Variants in MYH9 observed in about 807,000 individuals in gnomAD.
MYH9 encodes myosin-9.
Under a neutral mutation model 241.9 loss-of-function variants are expected in MYH9, and 29 were observed. The observed-to-expected ratio is 0.12, with a 90% CI of 0.09 to 0.16. The LOEUF is 0.16. Ranked by LOEUF, MYH9 falls within the 10% of genes least tolerant of loss-of-function variation. The probability of loss-of-function intolerance (pLI) is 1.00; values close to 1 mark genes in which losing one functional copy is unlikely to be tolerated. For synonymous variants in MYH9, 1,047 were observed against 1,062.6 expected (o/e 0.99, Z 0.29); for missense variants, 1,803 against 2,595.5 (o/e 0.69, Z 6.63).
intron 1 of MYH9, among the ~76,000 whole-genome samples, chr22:36,381,616 C>T (rs1054338672): frequency 2.0e-5 from 3 of 152,060 alleles, no homozygotes; most frequent in Admixed American, 1.3e-4. Context: ...CAGTATCTTT[C>T]CAGAAATACT....
intron 3 of MYH9, among the ~76,000 whole-genome samples, chr22:36,332,680 A>C (rs1428111016): frequency 2.6e-5 from 4 of 151,284 alleles, no homozygotes; most frequent in South Asian, 2.1e-4. Flanking sequence ...AAAAAAAAAA[A>C]AAAAAAAAAA....
intron 12 of MYH9, among the ~76,000 whole-genome samples, chr22:36,315,352 T>G (rs932390385): frequency 6.6e-6 from 1 of 152,128 alleles, no homozygotes; most frequent in Non-Finnish European, 1.5e-5. Context: ...AGCTCATGGC[T>G]CCTCTCAAAC....
In MYH9 at chr22:36,320,686, G is replaced by A. The variant is rs991340446; in HGVS notation, c.868+112C>T. ...ACAGGAGTCACTCTCACTTCTCCCC[G>A]TTAAACCCAAGGCCAAAAGTTTTCA... On this transcript the variant is annotated intron_variant, in intron 8 of 40. Coordinates refer to ENST00000216181, the MANE Select transcript of MYH9 (RefSeq NM_002473.6). This position sits in a 1 kb window ranked among gnomAD's most constrained non-coding sequence, Gnocchi z 4.8. 7.7e-5 allele frequency: 72 copies of A among 939,692 alleles called. No individual in the cohort carries two copies. Among genetic ancestry groups the A allele is most frequent in the Admixed American group, 1.8e-4 (9 of 50,052 alleles). The allele number at this position is 939,692 out of a possible 1,614,324, so 58.2% of individuals were successfully genotyped here.
Position 36,320,329 on chromosome 22 carries a change from G to A in MYH9, c.903C>T (p.Arg301=). 6.2e-7 allele frequency: 1 copy of A among 1,614,154 alleles called. No individual in the cohort carries two copies. The highest frequency in any genetic ancestry group is 8.5e-7 in the Non-Finnish European group (1 of 1,180,030). The change falls in exon 9 of 41, where the codon CGC becomes CGT. Residue 301 remains arginine, a synonymous_variant. Transcript: ENST00000216181. This position sits in a 1 kb window ranked among gnomAD's most constrained non-coding sequence, Gnocchi z 4.8. ...DLLLEPYNKY[R]FLSNGHVTIP... ...TGGTGACGTGTCCATTGGACAGGAAGCGGTATTTGTTGTACGGCTCCAACA... is the reference window on the plus strand; with the variant it reads ...TGGTGACGTGTCCATTGGACAGGAAACGGTATTTGTTGTACGGCTCCAACA...
intron 5 of MYH9, among the ~76,000 whole-genome samples, chr22:36,323,890 T>A (rs916038803): frequency 6.6e-6 from 1 of 152,238 alleles, no homozygotes; most frequent in African/African-American, 2.4e-5. Flanking sequence ...GAGCAGGCTC[T>A]ACGTGTGCGC....
At chr22:36,371,395 A>G (rs1257610471) in intron 1 of MYH9, among the ~76,000 whole-genome samples, 1 of 152,218 alleles carries the variant, frequency 6.6e-6, no homozygotes, top group African/African-American at 2.4e-5. Context: ...TCTATGAGCC[A>G]AGGAGAGAGG....
Position 36,341,607 on chromosome 22 carries a change from C to T in MYH9, c.334-81G>A, listed in dbSNP as rs1024235209. 130 of 1,527,394 alleles carry T rather than the reference C, an allele frequency of 8.5e-5. 1 individual carries two copies. The highest frequency in any genetic ancestry group is 2.1e-4 in the East Asian group (9 of 42,868). 94.6% of individuals were successfully genotyped at this position (1,527,394 alleles called of 1,614,324 possible). ...TACAAACTTTGTAGCAAAATATCTG[C>T]GGCTTCAAAGGACCCCTGAGTCAGC... On this transcript the variant is annotated intron_variant, in intron 2 of 40. Coordinates refer to ENST00000216181, the MANE Select transcript of MYH9 (RefSeq NM_002473.6).
intron 1 of MYH9, among the ~76,000 whole-genome samples, chr22:36,366,145 G>C (rs926547572): frequency 3.9e-5 from 6 of 152,206 alleles, no homozygotes; most frequent in Admixed American, 2.0e-4. Context: ...CCAAGATCCT[G>C]CCACTGCACT....
intron 20 of MYH9, chr22:36,302,302 TA>T: frequency 2.6e-6 from 1 of 386,176 alleles, no homozygotes; most frequent in Admixed American, 3.8e-5. Context: ...ATTTTTTTTT[TA>T]AAGGCCAGGA....
chr22:36,307,749 G>T (rs541261103), intron 15 of MYH9, among the ~76,000 whole-genome samples: 2 of 152,240 alleles, frequency 1.3e-5, no homozygotes, highest in East Asian at 3.9e-4. Flanking sequence ...TTAGCTGGGC[G>T]TGGTGGCGGG....
rs766316489 is a variant in MYH9 at position 36,295,092 on chromosome 22, C to T, written c.3486-16G>A. The T allele has an allele frequency of 2.5e-6, 4 of 1,614,136 alleles. No homozygotes were observed. The South Asian group carries it at 4.4e-5, about 18-fold the overall frequency. On this transcript the variant is annotated splice_polypyrimidine_tract_variant and intron_variant, in intron 26 of 40. Coordinates refer to ENST00000216181, the MANE Select transcript of MYH9 (RefSeq NM_002473.6). This position sits in a 1 kb window ranked among gnomAD's most constrained non-coding sequence, Gnocchi z 4.1. ...ACGTTTTGACCTGGACAGAGAAATC[C>T]CCTCAGAGTGGAGGCCGGGGATGCT...
chr22:36,321,696 C>G (rs2017254013), intron 7 of MYH9, 62 bp downstream of exon 7: 2 of 1,472,896 alleles, frequency 1.4e-6, no homozygotes, highest in African/African-American at 2.8e-5. Flanking sequence ...AGCTTCTTCT[C>G]TACAGAGGTC....
intron 11 of MYH9, 90 bp downstream of exon 11, chr22:36,318,117 C>A: frequency 8.8e-7 from 1 of 1,140,470 alleles, no homozygotes; most frequent in South Asian, 1.2e-5. Flanking sequence ...GACACGGACA[C>A]CCCAGGATGG....
At chr22:36,345,105 G>A (rs933626828) in intron 2 of MYH9, among the ~76,000 whole-genome samples, 3 of 152,138 alleles carry the variant, frequency 2.0e-5, no homozygotes, top group Non-Finnish European at 2.9e-5. Flanking sequence ...AAGGTCAGGA[G>A]ATCGAGGCCA....
rs764041241 is a variant in MYH9, at chr22:36,288,980, C to T, written c.4558-41G>A. ...CCCAAGTCAGGAGCAAAGGGACTGGCAGGTACCTGGGTCTGCGCGACCCGG... is the reference window on the plus strand; with the variant it reads ...CCCAAGTCAGGAGCAAAGGGACTGGTAGGTACCTGGGTCTGCGCGACCCGG... On this transcript the variant is annotated intron_variant, in intron 32 of 40. Transcript: ENST00000216181. The surrounding 1 kb of genome is among the most constrained non-coding windows in gnomAD (Gnocchi z 4.8). 1 of 1,613,282 alleles carries T rather than the reference C, an allele frequency of 6.2e-7. No homozygotes were observed. The highest frequency in any genetic ancestry group is 8.5e-7 in the Non-Finnish European group (1 of 1,179,944).
intron 2 of MYH9, among the ~76,000 whole-genome samples, chr22:36,343,159 G>C (rs1442541326): frequency 6.6e-6 from 1 of 152,104 alleles, no homozygotes; most frequent in African/African-American, 2.4e-5. Context: ...ACTGGCCAAA[G>C]GCTATGGCAC....
chr22:36,343,738 C>A lies in MYH9; in HGVS notation c.334-2212G>T, dbSNP rs80267744. 3.6e-3 allele frequency among the ~76,000 whole-genome samples: 553 copies of A among 152,226 alleles called. 2 individuals carry two copies. Among genetic ancestry groups the A allele is most frequent in the African/African-American group, 0.012 (496 of 41,524 alleles). ...AGAAGTGTAAACACGGTATTGGCAA[C>A]CTGCGGGCCCAGGCATTTCAGGAGG... On this transcript the variant is annotated intron_variant, in intron 2 of 40. Transcript: ENST00000216181.
Position 36,300,157 on chromosome 22 carries a change from G to A in MYH9, c.2946C>T (p.Ile982=), listed in dbSNP as rs1267462738. 6 of 1,612,942 alleles carry A rather than the reference G, an allele frequency of 3.7e-6. No individual in the cohort carries two copies. The highest frequency in any genetic ancestry group is 3.3e-5 in the Admixed American group (2 of 60,024). ...CCAGCTTGCAGTTCTGGTCCTCCAG[G>A]ATGATCTGCTCCTCCTCCAGCTTTT... The part of the protein sequence containing the change: ...KLKKLEEEQI[I]LEDQNCKLAK... Residue 982 remains isoleucine, a synonymous_variant, in exon 23 of 41, where the codon ATC becomes ATT. Coordinates refer to ENST00000216181, the MANE Select transcript of MYH9 (RefSeq NM_002473.6). This position sits in a 1 kb window ranked among gnomAD's most constrained non-coding sequence, Gnocchi z 5.0.
intron 10 of MYH9, among the ~76,000 whole-genome samples, chr22:36,318,703 G>A (rs1351713119): frequency 2.0e-5 from 3 of 152,148 alleles, no homozygotes; most frequent in Non-Finnish European, 1.5e-5. Flanking sequence ...CCACCAATGG[G>A]GCTGAGAGGA....
Sources: allele counts gnomAD v4.1 joint callset (sites outside exome capture counted in the v4.1 genomes callset), GRCh38; gene constraint gnomAD v4.1.1; non-coding constraint Gnocchi (gnomAD v3.1); transcripts MANE v1.5; gene names NCBI Gene and HGNC (gene_info 2026-07-23, HGNC 2026-07-21).